The following SIPA1L1 variants were observed in gnomAD, a reference collection of about 807,000 sequenced individuals.
SIPA1L1 encodes the protein signal induced proliferation associated 1 like 1, also known as signal-induced proliferation-associated 1-like protein 1.
Under a neutral mutation model 162.7 loss-of-function variants are expected in SIPA1L1, and 26 were observed. That is an observed-to-expected ratio of 0.16 (90% confidence interval 0.12 to 0.22). The LOEUF (loss-of-function observed/expected upper bound fraction) is 0.22. SIPA1L1 is among the 10% of genes least tolerant of loss of function. The pLI is 1.00. For missense variants in SIPA1L1, 1,874 were observed against 2,241.0 expected, an observed-to-expected ratio of 0.84 and a Z score of 3.31; for synonymous variants, 829 against 837.4, an observed-to-expected ratio of 0.99 and a Z score of 0.17.
chr14:71,442,191 A>AG (rs1417739588), intron 2 of SIPA1L1, among the ~76,000 whole-genome samples: 2 of 151,084 alleles, frequency 1.3e-5, no homozygotes, highest in Non-Finnish European at 3.0e-5. Flanking sequence ...AAAAAAAAAA[A>AG]AAAAAAAAGA....
intron 2 of SIPA1L1, among the ~76,000 whole-genome samples, chr14:71,501,357 G>T (rs2050199539): frequency 6.6e-6 from 1 of 151,510 alleles, no homozygotes. Context: ...TATATATGAA[G>T]AAAAAAGATA....
At chr14:71,368,139 ATTC>A (rs1330913618) in intron 2 of SIPA1L1, among the ~76,000 whole-genome samples, 16 of 118,798 alleles carry the variant, frequency 1.3e-4, no homozygotes, top group African/African-American at 3.1e-4. Context: ...TTTTTGTGGT[ATTC>A]TTTTTTTTTT....
intron 6 of SIPA1L1, among the ~76,000 whole-genome samples, chr14:71,621,316 G>T (rs1269000348): frequency 1.3e-5 from 2 of 152,168 alleles, no homozygotes; most frequent in African/African-American, 4.8e-5. Flanking sequence ...CACTGTCTTT[G>T]CTAGCCTAGG....
chr14:71,458,807 A>G (rs2046368632), intron 2 of SIPA1L1, among the ~76,000 whole-genome samples: 1 of 152,100 alleles, frequency 6.6e-6, no homozygotes. Flanking sequence ...TTGGTGTCTC[A>G]CGACTGTAAT....
chr14:71,671,322 A>G lies in SIPA1L1; in HGVS notation c.2459A>G (p.Asn820Ser). ...QEYLKDLAEK[N>S]VTNTPIDPSG... ...TACCTGAAAGATCTGGCAGAAAAGA[A>G]TGTCACCAACACCCCTATCGACCCT... Residue 820 changes from asparagine to serine, a missense_variant, in exon 11 of 24, where the codon AAT (asparagine) becomes AGT (serine). Asn to Ser is a conservative substitution (Grantham distance 46). This residue lies in a region of SIPA1L1 where 243 missense variants were observed against 315.0 expected (regional missense o/e 0.77). Coordinates refer to ENST00000381232, the MANE Select transcript of SIPA1L1 (RefSeq NM_001386936.1). 1.2e-6 allele frequency: 2 copies of G among 1,614,214 alleles called. No individual in the cohort carries two copies. Among genetic ancestry groups the G allele is most frequent in the Non-Finnish European group, 1.7e-6 (2 of 1,180,036 alleles).
intron 4 of SIPA1L1, among the ~76,000 whole-genome samples, chr14:71,557,435 A>C (rs1489877534): frequency 6.6e-6 from 1 of 152,202 alleles, no homozygotes; most frequent in Non-Finnish European, 1.5e-5. Flanking sequence ...CCACTATTTG[A>C]GAATTAGGAG....
intron 7 of SIPA1L1, among the ~76,000 whole-genome samples, chr14:71,633,890 G>A (rs1488096565): frequency 1.3e-5 from 2 of 152,052 alleles, no homozygotes; most frequent in African/African-American, 4.8e-5. Flanking sequence ...GGAGAAAGAT[G>A]GCAGGCCTTG....
intron 4 of SIPA1L1, among the ~76,000 whole-genome samples, chr14:71,546,181 T>C (rs1208832484): frequency 6.6e-6 from 1 of 152,158 alleles, no homozygotes; most frequent in Non-Finnish European, 1.5e-5. Flanking sequence ...TCCTATTTTT[T>C]AAGTTCACAA....
intron 2 of SIPA1L1, among the ~76,000 whole-genome samples, chr14:71,429,501 A>T (rs754186196): frequency 6.6e-6 from 1 of 151,196 alleles, no homozygotes; most frequent in Non-Finnish European, 1.5e-5. Flanking sequence ...AGTCATGGGG[A>T]TTGATTTTTT....
At chr14:71,728,569 C>T (rs1004482223) in intron 19 of SIPA1L1, among the ~76,000 whole-genome samples, 2 of 152,254 alleles carry the variant, frequency 1.3e-5, no homozygotes, top group African/African-American at 2.4e-5. Context: ...ACCTGATTCA[C>T]CCCTGGCTTG....
chr14:71,571,603 A>T (rs192268159), intron 4 of SIPA1L1, among the ~76,000 whole-genome samples: 1 of 152,166 alleles, frequency 6.6e-6, no homozygotes, highest in African/African-American at 2.4e-5. Context: ...TCTGTTGCTT[A>T]CAACAGAATA....
intron 2 of SIPA1L1, among the ~76,000 whole-genome samples, chr14:71,417,499 A>AAAAAAAAAAAAAAAAAAG (rs2042883957): frequency 6.8e-6 from 1 of 146,854 alleles, no homozygotes; most frequent in African/African-American, 2.5e-5. Flanking sequence ...AAAAAAAAAA[A>AAAAAAAAAAAAAAAAAAG]AAAAGAAAAT....
At chr14:71,522,880 A>T (rs951792717) in intron 3 of SIPA1L1, among the ~76,000 whole-genome samples, 1 of 152,218 alleles carries the variant, frequency 6.6e-6, no homozygotes, top group Admixed American at 6.5e-5. Context: ...TTTAGTTGAG[A>T]TGAGATTTCA....
intron 17 of SIPA1L1, among the ~76,000 whole-genome samples, chr14:71,711,039 A>G (rs1266159199): frequency 6.6e-6 from 1 of 152,004 alleles, no homozygotes; most frequent in Non-Finnish European, 1.5e-5. Flanking sequence ...GCTTCCCTTC[A>G]TTTAAAATGT....
At chr14:71,373,310 CAAA>C (rs75480788) in intron 2 of SIPA1L1, among the ~76,000 whole-genome samples, 2 of 74,082 alleles carry the variant, frequency 2.7e-5, no homozygotes, top group Admixed American at 1.6e-4. Context: ...GACTCCGTCT[CAAA>C]AAAAAAAAAA....
intron 2 of SIPA1L1, among the ~76,000 whole-genome samples, chr14:71,500,755 C>T (rs1402026740): frequency 6.6e-6 from 1 of 152,192 alleles, no homozygotes; most frequent in African/African-American, 2.4e-5. Flanking sequence ...TCCTGTAATC[C>T]CAGCACTTTG....
At position 71,588,329 on chromosome 14, in the gene SIPA1L1, T is replaced by C. The variant is rs1305502557; in HGVS notation, c.457T>C (p.Phe153Leu). ...ACCGTCGGAGAACATGGACTCCAGA[T>C]TTCTCATGCCTGAAGCCTACCCCAG... The part of the protein sequence containing the change: ...TRPSENMDSR[F>L]LMPEAYPSSP... The change falls in exon 5 of 24, where the codon TTT (phenylalanine) becomes CTT (leucine). Residue 153 changes from phenylalanine (F) to leucine (L), a missense_variant. Phe to Leu is a conservative substitution (Grantham distance 22, BLOSUM62 0). Around this residue, in one of 5 missense-constraint regions of SIPA1L1, gnomAD observed 685 missense variants for 828.0 expected, o/e 0.83. Transcript: ENST00000381232. This position sits in a 1 kb window ranked among gnomAD's most constrained non-coding sequence, Gnocchi z 4.3. 4 of 1,613,644 alleles carry C rather than the reference T, an allele frequency of 2.5e-6. No individual in the cohort carries two copies. The highest frequency in any genetic ancestry group is 2.2e-5 in the East Asian group (1 of 44,856).
intron 4 of SIPA1L1, among the ~76,000 whole-genome samples, chr14:71,560,123 C>T (rs945125691): frequency 6.6e-6 from 1 of 152,116 alleles, no homozygotes. Context: ...TATCTTTGAT[C>T]AAAATATTGT....
chr14:71,415,719 A>G (rs2042710745), intron 2 of SIPA1L1, among the ~76,000 whole-genome samples: 1 of 147,812 alleles, frequency 6.8e-6, no homozygotes, highest in Non-Finnish European at 1.5e-5. Flanking sequence ...TTTTTTTGAG[A>G]TGGGATCTCA....
Sources: allele counts gnomAD v4.1 joint callset (sites outside exome capture counted in the v4.1 genomes callset), GRCh38; gene constraint gnomAD v4.1.1; regional missense constraint gnomAD v4.1.1; non-coding constraint Gnocchi (gnomAD v3.1); transcripts MANE v1.5; gene names NCBI Gene and HGNC (gene_info 2026-07-23, HGNC 2026-07-21).